Variants in ZNF443 observed in about 807,000 individuals in gnomAD.
The protein encoded by ZNF443 is Kruppel-type zinc finger (C2H2).
Under a neutral mutation model 12.0 loss-of-function variants are expected in ZNF443, and 3 were observed. The observed-to-expected ratio is 0.25, with a 90% CI of 0.11 to 0.64. The LOEUF is 0.64. Ranked by LOEUF, ZNF443 falls within the 30% of genes least tolerant of loss-of-function variation. The pLI is 0.84. For missense variants in ZNF443, 770 were observed against 808.8 expected, an observed-to-expected ratio of 0.95 and a Z score of 0.58; for synonymous variants, 225 against 265.9, an observed-to-expected ratio of 0.85 and a Z score of 1.50.
chr19:12,438,137 G>T (rs1011183506), intron 1 of ZNF443, among the ~76,000 whole-genome samples: 1 of 151,870 alleles, frequency 6.6e-6, no homozygotes, highest in Admixed American at 6.6e-5. Context: ...GGAGGTGGGG[G>T]CATTGGCCTC....
At position 12,430,772 on chromosome 19, in the gene ZNF443, T is replaced by A. The variant is rs552289541; in HGVS notation, c.1400A>T (p.His467Leu). The A allele has an allele frequency of 6.2e-7, 1 of 1,613,914 alleles. No individual in the cohort carries two copies. Among genetic ancestry groups the A allele is most frequent in the South Asian group, 1.1e-5 (1 of 91,076 alleles). Residue 467 changes from histidine (H) to leucine (L), a missense_variant, in exon 4 of 4, where the codon CAT (histidine) becomes CTT (leucine). Physicochemically the swap from His to Leu is moderately conservative, Grantham distance 99 (BLOSUM62 -3). Around this residue, in one of 3 missense-constraint regions of ZNF443, gnomAD observed 736 missense variants for 689.4 expected, o/e 1.07. Coordinates refer to ENST00000301547, the MANE Select transcript of ZNF443 (RefSeq NM_005815.5). ...TTTCTCTCCAGTATGAGTTGTTTCA[T>A]GCCTTCGAAGGGAACTGGAAATACG... ...AYRISSSLRRHETTHTGEKPY... is the reference protein window; with the variant it reads ...AYRISSSLRRLETTHTGEKPY...
chr19:12,430,665 G>A lies in ZNF443; in HGVS notation c.1507C>T (p.Pro503Ser), dbSNP rs779537262. Reference sequence around the variant, plus strand: ...TTCCCACATTCCTTACACTCATATGGCTTCTCTCCAGTGTGAGTTGTTTTG... The same window carrying A: ...TTCCCACATTCCTTACACTCATATGACTTCTCTCCAGTGTGAGTTGTTTTG... ...NHKTTHTGEK[P>S]YECKECGKAF... Residue 503 changes from proline (P) to serine (S), a missense_variant, in exon 4 of 4, where the codon CCA (proline) becomes TCA (serine). Physicochemically the swap from Pro to Ser is moderately conservative, Grantham distance 74. Transcript: ENST00000301547. 14 of 1,614,102 alleles carry A rather than the reference G, an allele frequency of 8.7e-6. No homozygotes were observed. The highest frequency in any genetic ancestry group is 1.2e-5 in the Non-Finnish European group (14 of 1,179,994).
chr19:12,431,885 G>A lies in ZNF443; in HGVS notation c.287C>T (p.Thr96Ile). ...QIQDSIVTKN[T>I]LPGVGPCESS... ...TTCACAAGGACCTACTCCAGGAAGA[G>A]TGTTCTTGGTCACAATACTATCTTG... The change falls in exon 4 of 4, where the codon ACT becomes ATT. Residue 96 changes from threonine to isoleucine, a missense_variant. Thr to Ile is a moderately conservative substitution (Grantham distance 89, BLOSUM62 -1). Coordinates refer to ENST00000301547, the MANE Select transcript of ZNF443 (RefSeq NM_005815.5). 1 of 1,614,078 alleles carries A rather than the reference G, an allele frequency of 6.2e-7. No individual in the cohort carries two copies. Among genetic ancestry groups the A allele is most frequent in the Non-Finnish European group, 8.5e-7 (1 of 1,179,980 alleles).
At chr19:12,438,631 C>T (rs28525642) in intron 1 of ZNF443, among the ~76,000 whole-genome samples, 1,817 of 152,162 alleles carry the variant, frequency 0.012, 19 homozygotes, top group East Asian at 0.067. Flanking sequence ...GAGGGTTTTT[C>T]CCTTGGTAGT....
In ZNF443 at chr19:12,431,379, A is replaced by G. The variant is rs1970252018; in HGVS notation, c.793T>C (p.Tyr265His). ...CTTTCATGTCTTAGATAGGAACTGT[A>G]AAAAGGAAAGGCTTTAGAACACTGT... The part of the protein sequence containing the change: ...CKQCSKAFPF[Y>H]SSYLRHERTH... The change falls in exon 4 of 4, where the codon TAC becomes CAC. Residue 265 changes from tyrosine to histidine, a missense_variant. By Grantham distance (83) the Tyr-to-His change is moderately conservative (BLOSUM62 2). Transcript: ENST00000301547. 6.2e-7 allele frequency: 1 copy of G among 1,613,716 alleles called. No individual in the cohort carries two copies. The highest frequency in any genetic ancestry group is 8.5e-7 in the Non-Finnish European group (1 of 1,179,764).
chr19:12,431,250 G>A lies in ZNF443; in HGVS notation c.922C>T (p.Pro308Ser). Residue 308 changes from proline (P) to serine (S), a missense_variant, in exon 4 of 4, where the codon CCC (proline) becomes TCC (serine). By Grantham distance (74) the Pro-to-Ser change is moderately conservative. Around this residue, in one of 3 missense-constraint regions of ZNF443, gnomAD observed 736 missense variants for 689.4 expected, o/e 1.07. Coordinates refer to ENST00000301547, the MANE Select transcript of ZNF443 (RefSeq NM_005815.5). ...TTCCCACATTGTTTACATGTATAGG[G>A]TTTCTCTCCAGTGTGAGTTCTTTCA... ...IHERTHTGEK[P>S]YTCKQCGKAF... The A allele has an allele frequency of 6.2e-7, 1 of 1,614,136 alleles. No homozygotes were observed. Among genetic ancestry groups the A allele is most frequent in the Non-Finnish European group, 8.5e-7 (1 of 1,180,000 alleles).
chr19:12,433,305 T>G (rs1970277547), intron 1 of ZNF443, 108 bp from the exon 2 acceptor site: 1 of 1,446,182 alleles, frequency 6.9e-7, no homozygotes, highest in Non-Finnish European at 9.1e-7. Context: ...ACCATTTTAT[T>G]CAATGACATG....
chr19:12,439,568 C>T lies in ZNF443; in HGVS notation c.3+1344G>A, dbSNP rs202201449. Among the ~76,000 whole-genome samples the T allele has an allele frequency of 3.9e-5, 6 of 152,146 alleles. No homozygotes were observed. The East Asian group carries it at 1.2e-3, about 30-fold the overall frequency. On this transcript the variant is annotated intron_variant, in intron 1 of 3. Transcript: ENST00000301547. ...GAGGCACGATCATAGCTCACTGCAA[C>T]TTCAAACTCCTGGGCTCCAGCCATC...
rs144525603 is a variant in ZNF443 at position 12,431,345 on chromosome 19, G to T, written c.827C>A (p.Thr276Asn). The T allele has an allele frequency of 9.5e-5, 153 of 1,613,956 alleles. No homozygotes were observed. The highest frequency in any genetic ancestry group is 1.2e-4 in the Non-Finnish European group (143 of 1,179,962). ...SSYLRHERTH[T>N]GEKPYKCKQC... ...CTTACATTTATATGGTTTCTCCCCA[G>T]TATGTGTTCTTTCATGTCTTAGATA... is the stretch of plus-strand genomic sequence containing the variant. Residue 276 changes from threonine to asparagine, a missense_variant, in exon 4 of 4, where the codon ACT becomes AAT. Physicochemically the swap from Thr to Asn is moderately conservative, Grantham distance 65. Coordinates refer to ENST00000301547, the MANE Select transcript of ZNF443 (RefSeq NM_005815.5).
chr19:12,437,654 G>A (rs748134395), intron 1 of ZNF443, among the ~76,000 whole-genome samples: 1 of 152,054 alleles, frequency 6.6e-6, no homozygotes, highest in Non-Finnish European at 1.5e-5. Context: ...AGGACTGACA[G>A]AGTAGAATAA....
intron 1 of ZNF443, among the ~76,000 whole-genome samples, chr19:12,436,395 G>A (rs1418205455): frequency 2.0e-5 from 3 of 150,638 alleles, no homozygotes; most frequent in Admixed American, 6.6e-5. Context: ...CAGAAGAATC[G>A]CTTGAACCCA....
chr19:12,433,946 G>A (rs1021481648), intron 1 of ZNF443, among the ~76,000 whole-genome samples: 6 of 151,800 alleles, frequency 4.0e-5, no homozygotes, highest in Admixed American at 2.0e-4. Context: ...ATGAATAAAT[G>A]AGCTATCTCA....
At position 12,431,808 on chromosome 19, in the gene ZNF443, T is replaced by C; in HGVS notation, c.364A>G (p.Ile122Val). Residue 122 changes from isoleucine to valine, a missense_variant, in exon 4 of 4, where the codon ATC (isoleucine) becomes GTC (valine). Transcript: ENST00000301547. ...VMGHSSLNCY[I>V]RVGAGHKPHE... ...GGTTTGTGCCCAGCACCAACTCTGATGTAACAATTAAGGGATGAATGACCC... is the reference window on the plus strand; with the variant it reads ...GGTTTGTGCCCAGCACCAACTCTGACGTAACAATTAAGGGATGAATGACCC... 6.2e-7 allele frequency: 1 copy of C among 1,614,164 alleles called. No homozygotes were observed. Among genetic ancestry groups the C allele is most frequent in the South Asian group, 1.1e-5 (1 of 91,082 alleles).
chr19:12,439,072 GCCACCCTCCTAGGAGACACTCA>G (rs954525141), intron 1 of ZNF443, among the ~76,000 whole-genome samples: 17 of 151,998 alleles, frequency 1.1e-4, no homozygotes, highest in African/African-American at 3.4e-4. Flanking sequence ...TATTCTGTTC[GCCACCCTCCTAGGAGACACTCA>G]CCACCCTCCT....
At chr19:12,435,444 A>C (rs1309887831) in intron 1 of ZNF443, among the ~76,000 whole-genome samples, 1 of 152,230 alleles carries the variant, frequency 6.6e-6, no homozygotes, top group East Asian at 1.9e-4. Context: ...AAAGAGCTGA[A>C]GAGAAAATGT....
At position 12,440,131 on chromosome 19, in the gene ZNF443, C is replaced by G. The variant is rs544977921; in HGVS notation, c.3+781G>C. Among the ~76,000 whole-genome samples the G allele has an allele frequency of 2.0e-3, 310 of 152,162 alleles. 1 individual carries two copies. Among genetic ancestry groups the G allele is most frequent in the Middle Eastern group, 0.014 (4 of 294 alleles). ...ACCCCACACACGAGTCTGGATTCCACCTGGTGACTCGTCGTCACCGTGCAG... is the reference window on the plus strand; with the variant it reads ...ACCCCACACACGAGTCTGGATTCCAGCTGGTGACTCGTCGTCACCGTGCAG... On this transcript the variant is annotated intron_variant, in intron 1 of 3. Coordinates refer to ENST00000301547, the MANE Select transcript of ZNF443 (RefSeq NM_005815.5).
Position 12,431,249 on chromosome 19 carries a change from G to T in ZNF443, c.923C>A (p.Pro308His), listed in dbSNP as rs367558951. The T allele has an allele frequency of 1.1e-5, 18 of 1,614,016 alleles. No individual in the cohort carries two copies. The highest frequency in any genetic ancestry group is 1.5e-5 in the Non-Finnish European group (18 of 1,180,008). Residue 308 changes from proline to histidine, a missense_variant, in exon 4 of 4, where the codon CCC becomes CAC. By Grantham distance (77) the Pro-to-His change is moderately conservative. Around this residue, in one of 3 missense-constraint regions of ZNF443, gnomAD observed 736 missense variants for 689.4 expected, o/e 1.07. Transcript: ENST00000301547. Reference protein sequence around the residue: ...IHERTHTGEKPYTCKQCGKAF... With the variant: ...IHERTHTGEKHYTCKQCGKAF... ...TTTCCCACATTGTTTACATGTATAG[G>T]GTTTCTCTCCAGTGTGAGTTCTTTC...
chr19:12,431,279 A>C lies in ZNF443; in HGVS notation c.893T>G (p.Ile298Arg), dbSNP rs375195653. ...CTCTCCAGTGTGAGTTCTTTCATGT[A>C]TTAGACAAGAACTGGAATCAGGGAA... ...KAFPDSSSCLIHERTHTGEKP... is the reference protein window; with the variant it reads ...KAFPDSSSCLRHERTHTGEKP... The change falls in exon 4 of 4, where the codon ATA becomes AGA. Residue 298 changes from isoleucine to arginine, a missense_variant. Ile to Arg is a moderately conservative substitution (Grantham distance 97). Coordinates refer to ENST00000301547, the MANE Select transcript of ZNF443 (RefSeq NM_005815.5). 3.1e-6 allele frequency: 5 copies of C among 1,614,096 alleles called. No homozygotes were observed. Among genetic ancestry groups the C allele is most frequent in the Non-Finnish European group, 4.2e-6 (5 of 1,179,970 alleles).
chr19:12,437,379 G>A (rs1198872104), intron 1 of ZNF443, among the ~76,000 whole-genome samples: 1 of 149,616 alleles, frequency 6.7e-6, no homozygotes, highest in Non-Finnish European at 1.5e-5. Flanking sequence ...CTGCACTCTA[G>A]CCTAGGTGAT....
Sources: allele counts gnomAD v4.1 joint callset (sites outside exome capture counted in the v4.1 genomes callset), GRCh38; gene constraint gnomAD v4.1.1; regional missense constraint gnomAD v4.1.1; transcripts MANE v1.5; gene names NCBI Gene and HGNC (gene_info 2026-07-23, HGNC 2026-07-21).